The following TMEM132B variants were observed in gnomAD, a reference collection of about 807,000 sequenced individuals.
The protein encoded by TMEM132B is transmembrane protein 132B.
Under a neutral mutation model 90.8 loss-of-function variants are expected in TMEM132B, and 18 were observed. The observed-to-expected ratio is 0.20, with a 90% confidence interval of 0.14 to 0.29. TMEM132B has a LOEUF of 0.29. Among genes scored for constraint, TMEM132B ranks in the 10% least tolerant of loss-of-function variants. TMEM132B has a pLI of 1.00. For missense variants in TMEM132B, 1,096 were observed against 1,326.8 expected (o/e 0.83, Z 2.70); for synonymous variants, 504 against 523.3 (o/e 0.96, Z 0.50).
chr12:125,553,354 G>A (rs533158633), intron 4 of TMEM132B, among the ~76,000 whole-genome samples: 3 of 152,334 alleles, frequency 2.0e-5, no homozygotes, highest in South Asian at 4.1e-4. Context: ...AAAGAGCCCC[G>A]TCCTTGTGAT....
At chr12:125,556,764 CT>C (rs956884424) in intron 4 of TMEM132B, among the ~76,000 whole-genome samples, 53 of 151,950 alleles carry the variant, frequency 3.5e-4, no homozygotes, top group Middle Eastern at 3.4e-3. Flanking sequence ...ATCTGTGTTC[CT>C]TTTTTTTGAG....
chr12:125,299,439 C>T (rs867785759), intron 1 of TMEM132B, among the ~76,000 whole-genome samples: 2 of 152,188 alleles, frequency 1.3e-5, no homozygotes, highest in Non-Finnish European at 2.9e-5. Flanking sequence ...GGTCCTCCAG[C>T]CCTTCCCATG....
intron 6 of TMEM132B, among the ~76,000 whole-genome samples, chr12:125,649,107 G>A (rs1015572323): frequency 1.3e-5 from 2 of 151,984 alleles, no homozygotes; most frequent in Admixed American, 6.5e-5. Flanking sequence ...TCTTACTCAC[G>A]GAGATACTCA....
chr12:125,208,976 C>T (rs929637845), intron 1 of TMEM132B, among the ~76,000 whole-genome samples: 3 of 152,176 alleles, frequency 2.0e-5, no homozygotes, highest in Non-Finnish European at 4.4e-5. Flanking sequence ...TGTGTCCCCT[C>T]TGAGTGCTGC....
chr12:125,621,732 A>G (rs1489150955), intron 5 of TMEM132B, among the ~76,000 whole-genome samples: 1 of 152,166 alleles, frequency 6.6e-6, no homozygotes, highest in African/African-American at 2.4e-5. Context: ...TCTGTGGGGA[A>G]CCAGCAAAAG....
At chr12:125,230,092 A>G (rs1873782927) in intron 1 of TMEM132B, among the ~76,000 whole-genome samples, 1 of 152,238 alleles carries the variant, frequency 6.6e-6, no homozygotes, top group African/African-American at 2.4e-5. Flanking sequence ...GATGAACAGA[A>G]GAAGGAGGAC....
chr12:125,220,251 A>G (rs1168759301), intron 1 of TMEM132B, among the ~76,000 whole-genome samples: 2 of 152,180 alleles, frequency 1.3e-5, no homozygotes, highest in Non-Finnish European at 2.9e-5. Context: ...ATTTCTCATC[A>G]GGGTTTGGGA....
At chr12:125,539,483 G>T (rs577344471) in intron 4 of TMEM132B, among the ~76,000 whole-genome samples, 21 of 152,196 alleles carry the variant, frequency 1.4e-4, no homozygotes, top group African/African-American at 5.1e-4. Context: ...TCTTTCCTTC[G>T]CAGAATGAGC....
At chr12:125,289,722 G>T (rs559495597) in intron 1 of TMEM132B, among the ~76,000 whole-genome samples, 30 of 152,334 alleles carry the variant, frequency 2.0e-4, no homozygotes, top group African/African-American at 6.5e-4. Context: ...AGAGTCTGAG[G>T]CACAGAGACA....
At chr12:125,248,357 C>CAACA (rs1874249394) in intron 1 of TMEM132B, among the ~76,000 whole-genome samples, 1 of 152,188 alleles carries the variant, frequency 6.6e-6, no homozygotes, top group Non-Finnish European at 1.5e-5. Flanking sequence ...TTAAAGCTCA[C>CAACA]AACAGGCTTT....
chr12:125,226,800 C>G (rs1212150479), intron 1 of TMEM132B, among the ~76,000 whole-genome samples: 1 of 152,128 alleles, frequency 6.6e-6, no homozygotes, highest in African/African-American at 2.4e-5. Flanking sequence ...TATGCCGGCA[C>G]TGGGGGGAAA....
intron 4 of TMEM132B, among the ~76,000 whole-genome samples, chr12:125,580,352 A>G (rs1007477960): frequency 2.0e-5 from 3 of 152,222 alleles, no homozygotes; most frequent in Admixed American, 2.0e-4. Context: ...AAGTATCTCT[A>G]GGGAAAGAGC....
At chr12:125,259,457 C>T (rs180749449) in intron 1 of TMEM132B, among the ~76,000 whole-genome samples, 75 of 152,272 alleles carry the variant, frequency 4.9e-4, no homozygotes, top group African/African-American at 1.6e-3. Context: ...TAGAGAAAAG[C>T]CCAGCAATGT....
intron 4 of TMEM132B, among the ~76,000 whole-genome samples, chr12:125,545,690 G>C (rs1884073609): frequency 6.6e-6 from 1 of 152,178 alleles, no homozygotes; most frequent in Non-Finnish European, 1.5e-5. Context: ...GGAGCTTCCA[G>C]CTGCCATCTT....
At chr12:125,432,397 A>ATATATATATATATG (rs768917407) in intron 3 of TMEM132B, among the ~76,000 whole-genome samples, 5 of 68,320 alleles carry the variant, frequency 7.3e-5, no homozygotes, top group Admixed American at 1.8e-4. Context: ...ATATATATAT[A>ATATATATATATATG]TGTATGTATG....
intron 6 of TMEM132B, among the ~76,000 whole-genome samples, chr12:125,647,035 G>A (rs1173231185): frequency 2.0e-5 from 3 of 152,156 alleles, no homozygotes; most frequent in Admixed American, 1.3e-4. Flanking sequence ...AGAACCAGAT[G>A]TAAATTATAG....
intron 4 of TMEM132B, among the ~76,000 whole-genome samples, chr12:125,582,346 C>G (rs1885072128): frequency 6.6e-6 from 1 of 151,580 alleles, no homozygotes; most frequent in Admixed American, 6.6e-5. Context: ...ATTAAGCCTT[C>G]ACAATCAAGT....
At chr12:125,500,002 A>G (rs10846905) in intron 3 of TMEM132B, among the ~76,000 whole-genome samples, 84,638 of 145,586 alleles carry the variant, frequency 0.58, 24,006 homozygotes, top group Middle Eastern at 0.68. Flanking sequence ...ACCTACCCCC[A>G]CCCTCACTAA....
intron 4 of TMEM132B, among the ~76,000 whole-genome samples, chr12:125,569,045 G>C (rs1416854788): frequency 6.6e-6 from 1 of 152,176 alleles, no homozygotes; most frequent in East Asian, 1.9e-4. Flanking sequence ...ACCTCAAGAG[G>C]CTCAGTTTCC....
Sources: gnomAD v4.1 joint callset for allele counts (sites outside exome capture counted in the v4.1 genomes callset) on GRCh38, gnomAD v4.1.1 for gene constraint, MANE v1.5 for transcripts, NCBI Gene and HGNC (gene_info 2026-07-23, HGNC 2026-07-21) for gene names.